The following CDH12 variants were observed in gnomAD, a reference collection of about 807,000 sequenced individuals.
CDH12 encodes the protein cadherin-12.
CDH12 carries 41 observed loss-of-function variants against 74.1 expected under a neutral mutation model. The ratio of observed to expected loss-of-function variants is 0.55; its 90% CI spans 0.43 to 0.72. The LOEUF is 0.72. Ranked by LOEUF, CDH12 falls within the 30% of genes least tolerant of loss-of-function variation. CDH12 has a pLI of 0.00. For missense variants in CDH12, 945 were observed against 977.2 expected, an observed-to-expected ratio of 0.97 and a Z score of 0.44; for synonymous variants, 399 against 355.0, an observed-to-expected ratio of 1.12 and a Z score of -1.39.
intron 6 of CDH12, among the ~76,000 whole-genome samples, chr5:21,921,529 T>C (rs141918744): frequency 2.9e-4 from 44 of 152,324 alleles, no homozygotes; most frequent in South Asian, 4.1e-4. Flanking sequence ...AGTCAAATGT[T>C]AGAGACCATT....
At chr5:22,722,144 C>G (rs1743931261) in intron 1 of CDH12, among the ~76,000 whole-genome samples, 1 of 152,196 alleles carries the variant, frequency 6.6e-6, no homozygotes, top group Admixed American at 6.5e-5. Context: ...CCTACCTGAT[C>G]AAGCTGTAGT....
At chr5:22,783,033 A>G (rs968584569) in intron 1 of CDH12, among the ~76,000 whole-genome samples, 46 of 145,544 alleles carry the variant, frequency 3.2e-4, no homozygotes, top group African/African-American at 1.1e-3. Context: ...GTGCCATTTT[A>G]TTGCTTTATA....
chr5:22,349,624 C>A (rs1262129525), intron 3 of CDH12, among the ~76,000 whole-genome samples: 2 of 151,380 alleles, frequency 1.3e-5, no homozygotes, highest in Non-Finnish European at 1.5e-5. Flanking sequence ...CACTTCCAAC[C>A]AATCAATCAA....
intron 11 of CDH12, among the ~76,000 whole-genome samples, chr5:21,782,065 T>C (rs1053591479): frequency 6.6e-6 from 1 of 152,226 alleles, no homozygotes; most frequent in Non-Finnish European, 1.5e-5. Context: ...AACTTTACAC[T>C]GTGGTATCCC....
At chr5:22,827,930 C>T (rs1736415477) in intron 1 of CDH12, among the ~76,000 whole-genome samples, 1 of 152,078 alleles carries the variant, frequency 6.6e-6, no homozygotes, top group African/African-American at 2.4e-5. Flanking sequence ...ATATTGTTAA[C>T]AAGCACTCAT....
At chr5:21,954,727 G>T (rs1756017457) in intron 6 of CDH12, among the ~76,000 whole-genome samples, 1 of 151,998 alleles carries the variant, frequency 6.6e-6, no homozygotes, top group African/African-American at 2.4e-5. Context: ...AACAGGAGGG[G>T]TTTTAATACT....
At chr5:22,280,532 A>C in intron 3 of CDH12, among the ~76,000 whole-genome samples, 1 of 152,194 alleles carries the variant, frequency 6.6e-6, no homozygotes, top group Non-Finnish European at 1.5e-5. Context: ...AAAAAATAAT[A>C]AAGGGGATAT....
chr5:21,877,689 CA>C (rs1409790226), intron 6 of CDH12, among the ~76,000 whole-genome samples: 1 of 152,148 alleles, frequency 6.6e-6, no homozygotes, highest in African/African-American at 2.4e-5. Flanking sequence ...ATCAATGGAG[CA>C]GCTTCAAATG....
At chr5:22,575,126 G>A (rs368239990) in intron 1 of CDH12, among the ~76,000 whole-genome samples, 1 of 152,228 alleles carries the variant, frequency 6.6e-6, no homozygotes, top group South Asian at 2.1e-4. Context: ...CACTAACAAC[G>A]TTTTACATGA....
At chr5:22,516,401 GTTT>G (rs935687260) in intron 1 of CDH12, among the ~76,000 whole-genome samples, 1 of 152,014 alleles carries the variant, frequency 6.6e-6, no homozygotes, top group African/African-American at 2.4e-5. Flanking sequence ...AAAACATAAG[GTTT>G]TTATTTTTCA....
intron 2 of CDH12, among the ~76,000 whole-genome samples, chr5:22,482,416 C>T (rs1746419930): frequency 6.6e-6 from 1 of 151,992 alleles, no homozygotes; most frequent in Non-Finnish European, 1.5e-5. Context: ...CCAATTTAGC[C>T]CAAAAAGTAG....
intron 10 of CDH12, among the ~76,000 whole-genome samples, chr5:21,786,465 T>C (rs112399065): frequency 0.047 from 7,176 of 152,082 alleles, 260 homozygotes; most frequent in East Asian, 0.15. Context: ...TTACTAAATA[T>C]TTTAAGTCTA....
chr5:22,361,677 C>T (rs924435574), intron 3 of CDH12, among the ~76,000 whole-genome samples: 2 of 152,156 alleles, frequency 1.3e-5, no homozygotes, highest in Non-Finnish European at 2.9e-5. Context: ...TGACTTCAAA[C>T]TATACTACAA....
intron 3 of CDH12, among the ~76,000 whole-genome samples, chr5:22,287,950 T>G (rs1042930653): frequency 2.0e-5 from 3 of 152,150 alleles, no homozygotes; most frequent in Admixed American, 6.5e-5. Flanking sequence ...AGCTCTGTAG[T>G]TTAGCACACA....
At chr5:21,777,936 T>C (rs560823592) in intron 11 of CDH12, among the ~76,000 whole-genome samples, 6 of 152,328 alleles carry the variant, frequency 3.9e-5, no homozygotes, top group African/African-American at 1.4e-4. Flanking sequence ...CACATAGTTA[T>C]AATTTTTGTA....
At chr5:22,514,997 T>C (rs1736749164) in intron 1 of CDH12, among the ~76,000 whole-genome samples, 1 of 152,188 alleles carries the variant, frequency 6.6e-6, no homozygotes. Flanking sequence ...GAACAATGTT[T>C]AAATAATTGC....
intron 2 of CDH12, among the ~76,000 whole-genome samples, chr5:22,419,037 G>A (rs1053486871): frequency 1.3e-5 from 2 of 152,210 alleles, no homozygotes; most frequent in Non-Finnish European, 2.9e-5. Context: ...TGTGGTTTTT[G>A]TATTGGTTCT....
At chr5:22,248,671 T>C (rs1753038902) in intron 3 of CDH12, among the ~76,000 whole-genome samples, 1 of 152,164 alleles carries the variant, frequency 6.6e-6, no homozygotes, top group South Asian at 2.1e-4. Context: ...AAATCACAGT[T>C]TCGTTGTATT....
At chr5:22,764,803 C>A (rs1230968268) in intron 1 of CDH12, among the ~76,000 whole-genome samples, 10 of 151,938 alleles carry the variant, frequency 6.6e-5, no homozygotes, top group Non-Finnish European at 1.3e-4. Context: ...AATTGTCAGA[C>A]AATCTAGAAA....
Sources: gnomAD v4.1 joint callset for allele counts (sites outside exome capture counted in the v4.1 genomes callset) on GRCh38, gnomAD v4.1.1 for gene constraint, MANE v1.5 for transcripts, NCBI Gene and HGNC (gene_info 2026-07-23, HGNC 2026-07-21) for gene names.